CARD9: variants seen among roughly 807,000 people sequenced by gnomAD.
CARD9 encodes caspase recruitment domain-containing protein 9.
In CARD9, 53 loss-of-function variants were observed where a neutral mutation model predicts 66.0. The ratio of observed to expected loss-of-function variants is 0.80; its 90% CI spans 0.64 to 1.01. The LOEUF is 1.01. Ranked by LOEUF, CARD9 falls within the 50% of genes least tolerant of loss-of-function variation. The pLI is 0.00. For missense variants in CARD9, 769 were observed against 743.2 expected (o/e 1.03, Z -0.40); for synonymous variants, 387 against 313.8 (o/e 1.23, Z -2.47).
chr9:136,367,436 A>AC lies in CARD9; in HGVS notation c.1270-180dup. ...TGCCTGATGGCCAGGCCCAGGACCC[A>AC]CCCCGGCCCTGCAGCCCCACTTCCT... On this transcript the variant is annotated intron_variant, in intron 8 of 12. Coordinates refer to ENST00000371732, the MANE Select transcript of CARD9 (RefSeq NM_052813.5). 4 of 927,326 alleles carry AC rather than the reference A, an allele frequency of 4.3e-6. No homozygotes were observed. The South Asian group carries it at 4.8e-5, about 11-fold the overall frequency. The allele number at this position is 927,326 out of a possible 1,614,324, so 57.4% of individuals were successfully genotyped here. A position where few individuals can be genotyped will look rare whatever the true frequency, so the allele number is the denominator to read the frequency against.
At chr9:136,372,955 C>G (rs1833310492) in intron 1 of CARD9, among the ~76,000 whole-genome samples, 2 of 152,240 alleles carry the variant, frequency 1.3e-5, no homozygotes, top group Non-Finnish European at 2.9e-5. Context: ...ATCCCAGTGG[C>G]TGCAACAGAA....
Position 136,373,525 on chromosome 9 carries a change from C to T in CARD9, c.-17+7G>A. The T allele has an allele frequency of 2.0e-6, 2 of 985,748 alleles. No homozygotes were observed. The highest frequency in any genetic ancestry group is 2.4e-6 in the Non-Finnish European group (2 of 830,100). 61.1% of individuals were successfully genotyped at this position (985,748 alleles called of 1,614,324 possible). On this transcript the variant is annotated splice_region_variant and intron_variant, in intron 1 of 12. Transcript: ENST00000371732. ...GCCACCTTTCAGAAAGCACCAGACCCACCCACCTGAGGGTCTTCCAGGAGC... is the reference window on the plus strand; with the variant it reads ...GCCACCTTTCAGAAAGCACCAGACCTACCCACCTGAGGGTCTTCCAGGAGC...
In CARD9 at chr9:136,367,749, C is replaced by T. The variant is rs752913001; in HGVS notation, c.1157G>A (p.Arg386Gln). ...QEKDALRKQV[R>Q]ELGEKADELQ... is the part of the protein sequence containing the mutation. ...CTCATCCGCCTTCTCGCCCAGCTCC[C>T]GCACCTGCTTGCGCAGCGCGTCCTT... Residue 386 changes from arginine to glutamine, a missense_variant, in exon 8 of 13, where the codon CGG becomes CAG. Coordinates refer to ENST00000371732, the MANE Select transcript of CARD9 (RefSeq NM_052813.5). 9.3e-6 allele frequency: 15 copies of T among 1,605,570 alleles called. No homozygotes were observed. Among genetic ancestry groups the T allele is most frequent in the Admixed American group, 3.3e-5 (2 of 59,952 alleles).
chr9:136,365,481 T>TGCCTGCCAGGGAGGAAC, intron 10 of CARD9: 2 of 555,376 alleles, frequency 3.6e-6, no homozygotes, highest in Non-Finnish European at 6.5e-6. Flanking sequence ...CCGAGCTGGC[T>TGCCTGCCAGGGAGGAAC]GCCTGCCAGG....
chr9:136,366,724 G>T, intron 10 of CARD9, 76 bp downstream of exon 10: 1 of 1,498,728 alleles, frequency 6.7e-7, no homozygotes. Flanking sequence ...ATTGCGGCAC[G>T]GGCTGCCTGT....
At chr9:136,369,946 G>T (rs1204148127) in intron 6 of CARD9, 71 bp from the exon 7 acceptor site, 2 of 1,597,772 alleles carry the variant, frequency 1.3e-6, no homozygotes, top group African/African-American at 2.7e-5. Context: ...TATACTCCGG[G>T]CAGGGGCTCA....
chr9:136,372,218 G>C, intron 1 of CARD9, 124 bp from the exon 2 acceptor site: 3 of 1,347,856 alleles, frequency 2.2e-6, no homozygotes, highest in Non-Finnish European at 3.1e-6. Context: ...ATCAGCCCAG[G>C]GGCATCCAGG....
chr9:136,369,453 G>A (rs1439424135), intron 7 of CARD9, among the ~76,000 whole-genome samples: 1 of 152,212 alleles, frequency 6.6e-6, no homozygotes, highest in Non-Finnish European at 1.5e-5. Flanking sequence ...AGGCTGGGGT[G>A]GGGAAGTATT....
intron 6 of CARD9, 199 bp downstream of exon 6, chr9:136,370,095 G>T (rs528104034): frequency 3.6e-6 from 5 of 1,391,038 alleles, no homozygotes; most frequent in African/African-American, 1.4e-5. Flanking sequence ...CAGGCACCAT[G>T]AGCCCAGAGG....
Position 136,370,183 on chromosome 9 carries a change from C to T in CARD9, c.951+111G>A, listed in dbSNP as rs1290830971. ...GCCTCCAGGAGTGGGTGAGTGGAGG[C>T]GCTGCACTGGGGTCTCCACACCCCA... is the stretch of plus-strand genomic sequence containing the variant. On this transcript the variant is annotated intron_variant, in intron 6 of 12. Transcript: ENST00000371732. 14 of 1,501,544 alleles carry T rather than the reference C, an allele frequency of 9.3e-6. No homozygotes were observed. In the Admixed American group the frequency reaches 2.0e-4, roughly 22 times the overall value. 93.0% of individuals were successfully genotyped at this position (1,501,544 alleles called of 1,614,324 possible). A position where few individuals can be genotyped will look rare whatever the true frequency, so the allele number is the denominator to read the frequency against.
chr9:136,370,267 G>A (rs1186084794), intron 6 of CARD9, 27 bp downstream of exon 6: 2 of 1,591,796 alleles, frequency 1.3e-6, no homozygotes, highest in Non-Finnish European at 8.5e-7. Context: ...GACCCCAGGG[G>A]CCATGTCTCC....
At chr9:136,367,118 G>T in intron 9 of CARD9, 98 bp downstream of exon 9, 2 of 1,382,694 alleles carry the variant, frequency 1.4e-6, no homozygotes, top group Non-Finnish European at 2.0e-6. Flanking sequence ...ACCGAGCAGG[G>T]CCATGTGACG....
At position 136,364,342 on chromosome 9, in the gene CARD9, T is replaced by C. The variant is rs141310444; in HGVS notation, c.1571A>G (p.Asn524Ser). 6.4e-7 allele frequency: 1 copy of C among 1,568,436 alleles called. No homozygotes were observed. Among genetic ancestry groups the C allele is most frequent in the Admixed American group, 1.9e-5 (1 of 53,670 alleles). ...GWRQGEEDRE[N>S]TTGSDNTDTE... ...GTCGGTGTTGTCGCTGCCCGTGGTGTTCTCCCGGTCCTCCTCCCCCTGCCG... is the reference window on the plus strand; with the variant it reads ...GTCGGTGTTGTCGCTGCCCGTGGTGCTCTCCCGGTCCTCCTCCCCCTGCCG... Residue 524 changes from asparagine to serine, a missense_variant, in exon 13 of 13, where the codon AAC (asparagine) becomes AGC (serine). By Grantham distance (46) the Asn-to-Ser change is conservative. Coordinates refer to ENST00000371732, the MANE Select transcript of CARD9 (RefSeq NM_052813.5).
rs1466829922 is a variant in CARD9, at chr9:136,364,469, G to C, written c.1511+14C>G. 6 of 1,540,330 alleles carry C rather than the reference G, an allele frequency of 3.9e-6. No homozygotes were observed. Among genetic ancestry groups the C allele is most frequent in the Non-Finnish European group, 5.2e-6 (6 of 1,146,878 alleles). Reference sequence around the variant, plus strand: ...CCAGCCCGTTTTGGAGAAGCCTGGGGGCCGCCCGCCTACCTGCGGTAGTTC... The same window carrying C: ...CCAGCCCGTTTTGGAGAAGCCTGGGCGCCGCCCGCCTACCTGCGGTAGTTC... On this transcript the variant is annotated intron_variant, in intron 12 of 12. Coordinates refer to ENST00000371732, the MANE Select transcript of CARD9 (RefSeq NM_052813.5).
At chr9:136,364,636 C>A in intron 11 of CARD9, 77 bp from the exon 12 acceptor site, 2 of 1,403,658 alleles carry the variant, frequency 1.4e-6, no homozygotes, top group Non-Finnish European at 1.9e-6. Flanking sequence ...CCCCACTGGC[C>A]CCTGTAACTG....
At position 136,371,891 on chromosome 9, in the gene CARD9, T is replaced by C; in HGVS notation, c.184+4A>G. 6.3e-7 allele frequency: 1 copy of C among 1,596,568 alleles called. No individual in the cohort carries two copies. The highest frequency in any genetic ancestry group is 8.6e-7 in the Non-Finnish European group (1 of 1,167,998). On this transcript the variant is annotated splice_donor_region_variant and intron_variant, in intron 2 of 12. Coordinates refer to ENST00000371732, the MANE Select transcript of CARD9 (RefSeq NM_052813.5). ...GGGCCTGGGGCCCGCGGGGCAACAC[T>C]GACCCACTTTCCGTTTGCGGATGAC... is the stretch of plus-strand genomic sequence containing the variant.
At chr9:136,366,686 A>AGTGGGGGTT (rs1358602774) in intron 10 of CARD9, 114 bp downstream of exon 10, 1 of 1,104,334 alleles carries the variant, frequency 9.1e-7, no homozygotes, top group Non-Finnish European at 1.4e-6. Flanking sequence ...CTGTCTGTGG[A>AGTGGGGGTT]GTGGGGGTTG....
chr9:136,367,331 AGAG>A (rs1833147498), intron 8 of CARD9, 74 bp from the exon 9 acceptor site: 1 of 1,525,648 alleles, frequency 6.6e-7, no homozygotes, highest in Non-Finnish European at 9.0e-7. Context: ...GGCAGGGCAC[AGAG>A]CGGGATCCTC....
rs144943839 is a variant in CARD9 at position 136,364,346 on chromosome 9, C to G, written c.1567G>C (p.Glu523Gln). The G allele has an allele frequency of 2.2e-4, 345 of 1,569,004 alleles. No homozygotes were observed. Among genetic ancestry groups the G allele is most frequent in the Non-Finnish European group, 2.7e-4 (314 of 1,158,390 alleles). ...KGWRQGEEDRENTTGSDNTDT... is the reference protein window; with the variant it reads ...KGWRQGEEDRQNTTGSDNTDT... Reference sequence around the variant, plus strand: ...GTGTTGTCGCTGCCCGTGGTGTTCTCCCGGTCCTCCTCCCCCTGCCGCCAT... The same window carrying G: ...GTGTTGTCGCTGCCCGTGGTGTTCTGCCGGTCCTCCTCCCCCTGCCGCCAT... Residue 523 changes from glutamate to glutamine, a missense_variant, in exon 13 of 13, where the codon GAG becomes CAG. Glu to Gln is a conservative substitution (Grantham distance 29). Transcript: ENST00000371732.
Sources: gnomAD v4.1 joint callset for allele counts (sites outside exome capture counted in the v4.1 genomes callset) on GRCh38, gnomAD v4.1.1 for gene constraint, MANE v1.5 for transcripts, NCBI Gene and HGNC (gene_info 2026-07-23, HGNC 2026-07-21) for gene names.